DOCK3: variants seen among roughly 807,000 people sequenced by gnomAD.
The protein encoded by DOCK3 is dedicator of cytokinesis 3.
DOCK3 carries 60 observed loss-of-function variants against 265.6 expected under a neutral mutation model. The observed-to-expected ratio is 0.23, with a 90% CI of 0.18 to 0.28. The LOEUF is 0.28. Ranked by LOEUF, DOCK3 falls within the 10% of genes least tolerant of loss-of-function variation. DOCK3 has a pLI of 1.00. For synonymous variants in DOCK3, 881 were observed against 938.0 expected (o/e 0.94, Z 1.11); for missense variants, 1,981 against 2,594.3 (o/e 0.76, Z 5.14).
intron 12 of DOCK3, among the ~76,000 whole-genome samples, chr3:51,171,496 C>A (rs925122842): frequency 3.9e-5 from 6 of 152,116 alleles, no homozygotes; most frequent in Admixed American, 3.9e-4. Flanking sequence ...GCGGGCAGAT[C>A]ACGAGGTCAT....
intron 5 of DOCK3, among the ~76,000 whole-genome samples, chr3:51,012,469 C>T (rs757504033): frequency 1.3e-5 from 2 of 152,174 alleles, no homozygotes; most frequent in African/African-American, 4.8e-5. Context: ...ATAATCTCCT[C>T]GTGTCCGTTT....
intron 23 of DOCK3, among the ~76,000 whole-genome samples, chr3:51,265,041 A>T (rs2080086951): frequency 6.6e-6 from 1 of 152,104 alleles, no homozygotes. Flanking sequence ...TCCCACAGAA[A>T]TAGAAACTAC....
intron 5 of DOCK3, among the ~76,000 whole-genome samples, chr3:51,062,883 A>G (rs755487958): frequency 2.1e-4 from 32 of 152,162 alleles, no homozygotes; most frequent in Non-Finnish European, 3.8e-4. Context: ...CAAGATTCCA[A>G]TTTTCCAGAT....
chr3:51,196,422 T>A (rs1204563939), intron 12 of DOCK3, among the ~76,000 whole-genome samples: 1 of 152,200 alleles, frequency 6.6e-6, no homozygotes, highest in African/African-American at 2.4e-5. Context: ...TTGCTGAGTC[T>A]CTTGTATCTG....
chr3:50,915,459 G>A (rs1304126149), intron 4 of DOCK3, among the ~76,000 whole-genome samples: 1 of 151,996 alleles, frequency 6.6e-6, no homozygotes, highest in South Asian at 2.1e-4. Flanking sequence ...ATGCTCTAGG[G>A]GACGAGTTCA....
intron 4 of DOCK3, among the ~76,000 whole-genome samples, chr3:50,920,993 T>C (rs894439747): frequency 2.6e-5 from 4 of 152,174 alleles, no homozygotes; most frequent in Admixed American, 6.5e-5. Flanking sequence ...TTTCTGCCTT[T>C]ATTTTGTTAT....
chr3:51,068,560 A>AAAAAAAAAAAAAAGAAG (rs529031027), intron 6 of DOCK3, among the ~76,000 whole-genome samples: 2 of 82,414 alleles, frequency 2.4e-5, no homozygotes, highest in African/African-American at 4.6e-5. Flanking sequence ...AAAAAAAAAA[A>AAAAAAAAAAAAAAGAAG]AAGAAGAAGA....
At chr3:50,684,995 C>T (rs2034680166) in intron 1 of DOCK3, among the ~76,000 whole-genome samples, 1 of 151,778 alleles carries the variant, frequency 6.6e-6, no homozygotes, top group Non-Finnish European at 1.5e-5. Context: ...CAGACAACCC[C>T]TTTCAACATA....
intron 4 of DOCK3, among the ~76,000 whole-genome samples, chr3:50,905,144 A>G (rs1048345972): frequency 2.0e-5 from 3 of 152,112 alleles, no homozygotes; most frequent in Admixed American, 6.6e-5. Flanking sequence ...TACCAGTACC[A>G]TGCTGTTTTG....
At chr3:50,950,312 TG>T (rs1221715049) in intron 5 of DOCK3, among the ~76,000 whole-genome samples, 5 of 152,210 alleles carry the variant, frequency 3.3e-5, no homozygotes, top group Non-Finnish European at 7.3e-5. Context: ...GTTTTAGTTT[TG>T]TTTTTGACAT....
At chr3:50,713,903 T>C (rs566019211) in intron 1 of DOCK3, among the ~76,000 whole-genome samples, 1 of 152,300 alleles carries the variant, frequency 6.6e-6, no homozygotes, top group South Asian at 2.1e-4. Flanking sequence ...TAAATATCTC[T>C]TGAGGTAAGG....
At chr3:51,222,711 G>A (rs1290658709) in intron 14 of DOCK3, among the ~76,000 whole-genome samples, 1 of 152,166 alleles carries the variant, frequency 6.6e-6, no homozygotes, top group African/African-American at 2.4e-5. Context: ...CTGTAACTCA[G>A]AGGGTACAAT....
At chr3:51,071,688 G>A (rs1057030998) in intron 6 of DOCK3, among the ~76,000 whole-genome samples, 3 of 152,166 alleles carry the variant, frequency 2.0e-5, no homozygotes, top group African/African-American at 2.4e-5. Flanking sequence ...CAGACCAGCC[G>A]ATCTGACATC....
intron 5 of DOCK3, among the ~76,000 whole-genome samples, chr3:50,977,002 C>T (rs1323198483): frequency 1.3e-5 from 2 of 149,388 alleles, no homozygotes; most frequent in African/African-American, 4.9e-5. Context: ...CTTGGTAGAT[C>T]TTCCTCCATC....
chr3:50,836,699 C>T (rs1323666746), intron 2 of DOCK3, among the ~76,000 whole-genome samples: 3 of 152,168 alleles, frequency 2.0e-5, no homozygotes, highest in East Asian at 3.9e-4. Context: ...ACATCTGGCT[C>T]CTCATTACTT....
At chr3:51,220,892 C>T (rs1444733151) in intron 14 of DOCK3, among the ~76,000 whole-genome samples, 2 of 151,826 alleles carry the variant, frequency 1.3e-5, no homozygotes, top group Non-Finnish European at 2.9e-5. Context: ...TGGGCTAGCA[C>T]TAATGAAACA....
intron 12 of DOCK3, among the ~76,000 whole-genome samples, chr3:51,195,571 C>G (rs944183564): frequency 6.6e-6 from 1 of 151,964 alleles, no homozygotes; most frequent in Non-Finnish European, 1.5e-5. Flanking sequence ...CGTGCCATCA[C>G]GCTCAGCTAA....
intron 1 of DOCK3, among the ~76,000 whole-genome samples, chr3:50,729,079 G>C (rs1196458451): frequency 1.4e-5 from 2 of 143,430 alleles, no homozygotes; most frequent in East Asian, 4.3e-4. Flanking sequence ...CCAGCACTTT[G>C]GGAGGCCGAG....
intron 24 of DOCK3, among the ~76,000 whole-genome samples, chr3:51,274,506 G>A (rs1384321744): frequency 6.6e-6 from 1 of 152,172 alleles, no homozygotes; most frequent in African/African-American, 2.4e-5. Context: ...GACCAGGTGT[G>A]GTGGCTCACA....
Sources: gnomAD v4.1 joint callset for allele counts (sites outside exome capture counted in the v4.1 genomes callset) on GRCh38, gnomAD v4.1.1 for gene constraint, MANE v1.5 for transcripts, NCBI Gene and HGNC (gene_info 2026-07-23, HGNC 2026-07-21) for gene names.